The following NEFM variants were observed in gnomAD, a reference collection of about 807,000 sequenced individuals.
The protein encoded by NEFM is neurofilament medium chain, also known as neurofilament medium polypeptide.
Under a neutral mutation model 48.1 loss-of-function variants are expected in NEFM, and 16 were observed. The observed-to-expected ratio is 0.33, with a 90% CI of 0.23 to 0.51. The LOEUF is 0.51. NEFM is among the 20% of genes least tolerant of loss of function. The pLI, the probability that NEFM is intolerant of heterozygous loss-of-function variation, is 0.98. For missense variants in NEFM, 1,107 were observed against 1,136.0 expected (o/e 0.97, Z 0.37); for synonymous variants, 465 against 456.9 (o/e 1.02, Z -0.23).
chr8:24,914,336 C>T lies in NEFM; in HGVS notation c.543C>T (p.Asp181=). 1.2e-6 allele frequency: 2 copies of T among 1,613,640 alleles called. No homozygotes were observed. The highest frequency in any genetic ancestry group is 1.7e-6 in the Non-Finnish European group (2 of 1,179,954). ...TGGACTCGGACCACCTGGAGGAAGACATCCACCGGCTCAAGGAGCGCTTTG... is the reference window on the plus strand; with the variant it reads ...TGGACTCGGACCACCTGGAGGAAGATATCCACCGGCTCAAGGAGCGCTTTG... ...VQLDSDHLEE[D]IHRLKERFEE... is the part of the protein sequence containing the mutation. Residue 181 remains aspartate, a synonymous_variant, in exon 1 of 3, where the codon GAC becomes GAT. Coordinates refer to ENST00000221166, the MANE Select transcript of NEFM (RefSeq NM_005382.2).
intron 1 of NEFM, 32 bp downstream of exon 1, chr8:24,914,905 C>A (rs1423816303): frequency 1.9e-6 from 3 of 1,548,216 alleles, no homozygotes; most frequent in African/African-American, 1.4e-5. Flanking sequence ...CCAGCCTGCG[C>A]CAGCGCCAGC....
chr8:24,914,748 G>A lies in NEFM; in HGVS notation c.955G>A (p.Glu319Lys), dbSNP rs979883448. The change falls in exon 1 of 3, where the codon GAG (glutamate) becomes AAG (lysine). Residue 319 changes from glutamate to lysine, a missense_variant. Transcript: ENST00000221166. ...AIRSAKEEIAEYRRQLQSKSI... is the reference protein window; with the variant it reads ...AIRSAKEEIAKYRRQLQSKSI... The stretch of plus-strand genomic sequence containing the variant: ...CCGCTCCGCCAAGGAAGAGATCGCC[G>A]AGTACCGGCGCCAGCTGCAGTCCAA... The A allele has an allele frequency of 6.2e-7, 1 of 1,612,956 alleles. No individual in the cohort carries two copies. The highest frequency in any genetic ancestry group is 8.5e-7 in the Non-Finnish European group (1 of 1,179,660).
chr8:24,914,759 C>T lies in NEFM; in HGVS notation c.966C>T (p.Arg322=), dbSNP rs773436879. The T allele has an allele frequency of 1.2e-6, 2 of 1,612,414 alleles. No homozygotes were observed. Among genetic ancestry groups the T allele is most frequent in the Non-Finnish European group, 1.7e-6 (2 of 1,179,438 alleles). The change falls in exon 1 of 3, where the codon CGC becomes CGT. Residue 322 remains arginine (R), a synonymous_variant. Transcript: ENST00000221166. ...SAKEEIAEYR[R]QLQSKSIELE... is the part of the protein sequence containing the mutation. ...AGGAAGAGATCGCCGAGTACCGGCG[C>T]CAGCTGCAGTCCAAGAGCATCGAGC...
chr8:24,915,459 CG>C (rs1249429976), intron 1 of NEFM, 145 bp from the exon 2 acceptor site: 7 of 1,014,514 alleles, frequency 6.9e-6, no homozygotes, highest in Non-Finnish European at 5.8e-6. Flanking sequence ...GGGGGTGGGA[CG>C]GGGGGCTGGG....
chr8:24,914,975 T>A (rs940013491), intron 1 of NEFM, 102 bp downstream of exon 1: 72 of 1,428,484 alleles, frequency 5.0e-5, no homozygotes, highest in Middle Eastern at 2.5e-4. Flanking sequence ...CGCTCCCTGG[T>A]GGCCGCTCGC....
At chr8:24,914,971 C>T in intron 1 of NEFM, 98 bp downstream of exon 1, 2 of 1,430,082 alleles carry the variant, frequency 1.4e-6, no homozygotes, top group East Asian at 2.7e-5. Context: ...GCCGCGCTCC[C>T]TGGTGGCCGC....
chr8:24,916,721 T>G (rs1385181556), intron 2 of NEFM, among the ~76,000 whole-genome samples: 1 of 152,194 alleles, frequency 6.6e-6, no homozygotes, highest in Non-Finnish European at 1.5e-5. Context: ...TTTTTTGCTA[T>G]TTGGCCACTA....
In NEFM at chr8:24,917,181, A is replaced by G; in HGVS notation, c.1326A>G (p.Glu442=). The G allele has an allele frequency of 6.2e-7, 1 of 1,614,140 alleles. No homozygotes were observed. The highest frequency in any genetic ancestry group is 1.1e-5 in the South Asian group (1 of 91,074). ...GTAAGATTCAGAAACCCAAGGTGGA[A>G]GCTCCCAAGCTTAAGGTCCAACACA... The part of the protein sequence containing the change: ...ISSKIQKPKV[E]APKLKVQHKF... The change falls in exon 3 of 3, where the codon GAA becomes GAG. Residue 442 remains glutamate (E), a synonymous_variant. Coordinates refer to ENST00000221166, the MANE Select transcript of NEFM (RefSeq NM_005382.2).
At chr8:24,916,254 G>C (rs1397818824) in intron 2 of NEFM, among the ~76,000 whole-genome samples, 1 of 152,084 alleles carries the variant, frequency 6.6e-6, no homozygotes, top group Non-Finnish European at 1.5e-5. Flanking sequence ...TTTTATGCTA[G>C]ACTGTAGTAT....
intron 1 of NEFM, 123 bp downstream of exon 1, chr8:24,914,996 G>T (rs1802551350): frequency 1.4e-6 from 2 of 1,415,400 alleles, no homozygotes; most frequent in African/African-American, 1.5e-5. Context: ...TAGAGCACGC[G>T]CGCCGCAGAC....
chr8:24,915,461 G>C (rs1802558346), intron 1 of NEFM, 144 bp from the exon 2 acceptor site: 2 of 1,328,636 alleles, frequency 1.5e-6, no homozygotes, highest in South Asian at 2.6e-5. Context: ...GGGTGGGACG[G>C]GGGGCTGGGA....
chr8:24,915,216 T>C lies in NEFM; in HGVS notation c.1080+343T>C, dbSNP rs759460344. 2.5e-5 allele frequency: 32 copies of C among 1,287,020 alleles called. 1 individual carries two copies. Among genetic ancestry groups the C allele is most frequent in the African/African-American group, 1.7e-4 (11 of 66,086 alleles). The allele number at this position is 1,287,020 out of a possible 1,614,324, so 79.7% of individuals were successfully genotyped here. Reference sequence around the variant, plus strand: ...TTAGGATAGCTTATGCAGAAACGCGTGTATTCTCTACTTTTCCGGCAGTGA... The same window carrying C: ...TTAGGATAGCTTATGCAGAAACGCGCGTATTCTCTACTTTTCCGGCAGTGA... On this transcript the variant is annotated intron_variant, in intron 1 of 2. Transcript: ENST00000221166.
At position 24,918,522 on chromosome 8, in the gene NEFM, C is replaced by T; in HGVS notation, c.2667C>T (p.Thr889=). The T allele has an allele frequency of 6.2e-7, 1 of 1,613,854 alleles. No individual in the cohort carries two copies. Among genetic ancestry groups the T allele is most frequent in the Non-Finnish European group, 8.5e-7 (1 of 1,179,966 alleles). Reference sequence around the variant, plus strand: ...AAAAGGTTGAAGAGCATGAAGAGACCTTTGAGGAGAAACTAGTGTCTACTA... The same window carrying T: ...AAAAGGTTGAAGAGCATGAAGAGACTTTTGAGGAGAAACTAGTGTCTACTA... The part of the protein sequence containing the change: ...VTQKVEEHEE[T]FEEKLVSTKK... The change falls in exon 3 of 3, where the codon ACC becomes ACT. Residue 889 remains threonine (T), a synonymous_variant. Coordinates refer to ENST00000221166, the MANE Select transcript of NEFM (RefSeq NM_005382.2).
chr8:24,915,451 G>T (rs1802557917), intron 1 of NEFM, among the ~76,000 whole-genome samples, 154 bp from the exon 2 acceptor site: 1 of 151,988 alleles, frequency 6.6e-6, no homozygotes, highest in Admixed American at 6.6e-5. Flanking sequence ...AAGAAAAAGG[G>T]GGTGGGACGG....
Position 24,914,735 on chromosome 8 carries a change from G to A in NEFM, c.942G>A (p.Lys314=), listed in dbSNP as rs1381800720. Residue 314 remains lysine (K), a synonymous_variant, in exon 1 of 3, where the codon AAG becomes AAA. Transcript: ENST00000221166. ...ACAAGGAGGCCATCCGCTCCGCCAA[G>A]GAAGAGATCGCCGAGTACCGGCGCC... The part of the protein sequence containing the change: ...EQNKEAIRSA[K]EEIAEYRRQL... 6.2e-7 allele frequency: 1 copy of A among 1,613,578 alleles called. No individual in the cohort carries two copies. Among genetic ancestry groups the A allele is most frequent in the Middle Eastern group, 1.6e-4 (1 of 6,082 alleles).
Position 24,918,838 on chromosome 8 carries a change from G to A in NEFM, c.*232G>A, listed in dbSNP as rs1802624151. On this transcript the variant is annotated 3_prime_UTR_variant, in exon 3 of 3. Transcript: ENST00000221166. The stretch of plus-strand genomic sequence containing the variant: ...AATTTGCCGATTTCCTAAGCTGTTG[G>A]AAGGGGGTCACTTAAGGGGGGATGT... 1 of 548,688 alleles carries A rather than the reference G, an allele frequency of 1.8e-6. No individual in the cohort carries two copies. The highest frequency in any genetic ancestry group is 2.1e-5 in the South Asian group (1 of 48,416). The allele number at this position is 548,688 out of a possible 1,614,324, so 34.0% of individuals were successfully genotyped here.
chr8:24,918,169 A>G lies in NEFM; in HGVS notation c.2314A>G (p.Lys772Glu). 6.4e-7 allele frequency: 1 copy of G among 1,551,990 alleles called. No homozygotes were observed. The highest frequency in any genetic ancestry group is 8.7e-7 in the Non-Finnish European group (1 of 1,147,214). ...AGAGGGGAAGCCACTGCAGCAGGAG[A>G]AAGAGAAGGAGAAAGCGGGAGGAGA... ...KEEGKPLQQEKEKEKAGGEGG... is the reference protein window; with the variant it reads ...KEEGKPLQQEEEKEKAGGEGG... Residue 772 changes from lysine (K) to glutamate (E), a missense_variant, in exon 3 of 3, where the codon AAA (lysine) becomes GAA (glutamate). Physicochemically the swap from Lys to Glu is moderately conservative, Grantham distance 56 (BLOSUM62 1). Coordinates refer to ENST00000221166, the MANE Select transcript of NEFM (RefSeq NM_005382.2).
chr8:24,917,477 A>G lies in NEFM; in HGVS notation c.1622A>G (p.Glu541Gly). The G allele has an allele frequency of 6.4e-7, 1 of 1,555,134 alleles. No individual in the cohort carries two copies. The highest frequency in any genetic ancestry group is 8.7e-7 in the Non-Finnish European group (1 of 1,148,814). Reference protein sequence around the residue: ...EGQEEEEEEDEGAKSDQAEEG... With the variant: ...EGQEEEEEEDGGAKSDQAEEG... Reference sequence around the variant, plus strand: ...CAGGAAGAAGAGGAGGAAGAAGATGAGGGAGCTAAGTCAGACCAAGCCGAA... The same window carrying G: ...CAGGAAGAAGAGGAGGAAGAAGATGGGGGAGCTAAGTCAGACCAAGCCGAA... Residue 541 changes from glutamate (E) to glycine (G), a missense_variant, in exon 3 of 3, where the codon GAG becomes GGG. Physicochemically the swap from Glu to Gly is moderately conservative, Grantham distance 98. This residue lies in a region of NEFM where 917 missense variants were observed against 916.4 expected (regional missense o/e 1.00). Transcript: ENST00000221166.
intron 1 of NEFM, chr8:24,915,140 T>C: frequency 7.4e-7 from 1 of 1,349,392 alleles, no homozygotes; most frequent in South Asian, 1.8e-5. Context: ...TTTGCACGCT[T>C]GCACGTTTAA....
Sources: allele counts gnomAD v4.1 joint callset (sites outside exome capture counted in the v4.1 genomes callset), GRCh38; gene constraint gnomAD v4.1.1; regional missense constraint gnomAD v4.1.1; transcripts MANE v1.5; gene names NCBI Gene and HGNC (gene_info 2026-07-23, HGNC 2026-07-21).